The following CECR2 variants were observed in gnomAD, a reference collection of about 807,000 sequenced individuals.
CECR2 encodes chromatin remodeling regulator CECR2.
CECR2 carries 30 observed loss-of-function variants against 154.5 expected under a neutral mutation model. The observed-to-expected ratio is 0.19, with a 90% CI of 0.15 to 0.26. CECR2 has a LOEUF of 0.26. CECR2 is among the 10% of genes least tolerant of loss of function. The probability of loss-of-function intolerance (pLI) is 1.00; values close to 1 mark genes in which losing one functional copy is unlikely to be tolerated. For synonymous variants in CECR2, 725 were observed against 683.7 expected (o/e 1.06, Z -0.94); for missense variants, 1,743 against 1,829.3 (o/e 0.95, Z 0.86).
At chr22:17,465,142 G>A (rs879375540) in intron 1 of CECR2, among the ~76,000 whole-genome samples, 123 of 149,270 alleles carry the variant, frequency 8.2e-4, no homozygotes, top group Admixed American at 1.0e-3. Context: ...GACTACAGGC[G>A]CCCACCACCA....
intron 1 of CECR2, among the ~76,000 whole-genome samples, chr22:17,381,369 C>CT (rs11393111): frequency 0.069 from 10,496 of 151,322 alleles, 1,135 homozygotes; most frequent in African/African-American, 0.23. Flanking sequence ...TAACTCTAGA[C>CT]TTTTTTTTTA....
In CECR2 at chr22:17,549,354, G is replaced by A. The variant is rs2056669585; in HGVS notation, c.4067G>A (p.Ser1356Asn). Reference sequence around the variant, plus strand: ...CCCTATACCCCTCAGCGGCCGGCCAGTCACTTTCAGCCCAGGGCTTACTCT... The same window carrying A: ...CCCTATACCCCTCAGCGGCCGGCCAATCACTTTCAGCCCAGGGCTTACTCT... ...GPPYTPQRPA[S>N]HFQPRAYSSP... is the part of the protein sequence containing the mutation. The change falls in exon 17 of 19, where the codon AGT (serine) becomes AAT (asparagine). Residue 1356 changes from serine to asparagine, a missense_variant. This residue lies in a region of CECR2 where 1,250 missense variants were observed against 1,192.1 expected (regional missense o/e 1.05). Transcript: ENST00000262608. 2 of 1,613,824 alleles carry A rather than the reference G, an allele frequency of 1.2e-6. No homozygotes were observed. Among genetic ancestry groups the A allele is most frequent in the Admixed American group, 1.7e-5 (1 of 59,984 alleles).
chr22:17,539,072 T>C lies in CECR2; in HGVS notation c.1448T>C (p.Met483Thr). 1.2e-6 allele frequency: 2 copies of C among 1,613,904 alleles called. No individual in the cohort carries two copies. The highest frequency in any genetic ancestry group is 1.7e-6 in the Non-Finnish European group (2 of 1,179,866). Residue 483 changes from methionine to threonine, a missense_variant, in exon 13 of 19, where the codon ATG becomes ACG. By Grantham distance (81) the Met-to-Thr change is moderately conservative (BLOSUM62 -1). This residue lies in a region of CECR2 where 103 missense variants were observed against 166.8 expected (regional missense o/e 0.62). Coordinates refer to ENST00000262608, the MANE Select transcript of CECR2 (RefSeq NM_001290047.2). ...YCTKEEFVNDMKTMFRNCRKY... is the reference protein window; with the variant it reads ...YCTKEEFVNDTKTMFRNCRKY... ...ACCAAGGAGGAATTTGTAAATGACA[T>C]GAAGACCATGTTCAGGAATTGTCGA...
rs531593575 is a variant in CECR2, at chr22:17,510,158, A to C, written c.871-1655A>C. On this transcript the variant is annotated intron_variant, in intron 7 of 18. Transcript: ENST00000262608. ...TAGGGAAACATTCACGTTCTGTATC[A>C]AGAATAGCATTTTTCTCATTCGTAG... Among the ~76,000 whole-genome samples the C allele has an allele frequency of 2.0e-5, 3 of 152,332 alleles. No homozygotes were observed. The South Asian group carries it at 6.2e-4, about 32-fold the overall frequency.
intron 1 of CECR2, among the ~76,000 whole-genome samples, chr22:17,454,498 G>A (rs1369056854): frequency 2.0e-5 from 3 of 151,730 alleles, no homozygotes; most frequent in South Asian, 2.1e-4. Flanking sequence ...CCAGCTACTC[G>A]GAAAGCTGAG....
chr22:17,394,192 CGCT>C (rs1337601749), intron 1 of CECR2, among the ~76,000 whole-genome samples: 1 of 125,642 alleles, frequency 8.0e-6, no homozygotes, highest in Non-Finnish European at 1.7e-5. Flanking sequence ...CAGCTGCTGC[CGCT>C]GCTTTTTTTT....
At chr22:17,520,652 C>T (rs1452503056) in intron 8 of CECR2, among the ~76,000 whole-genome samples, 1 of 152,038 alleles carries the variant, frequency 6.6e-6, no homozygotes, top group Non-Finnish European at 1.5e-5. Context: ...TCAGTTCCCA[C>T]CTATGAGTGA....
intron 1 of CECR2, among the ~76,000 whole-genome samples, chr22:17,416,584 G>GGC (rs1323784043): frequency 3.9e-5 from 6 of 152,246 alleles, no homozygotes; most frequent in African/African-American, 1.2e-4. Flanking sequence ...GGAGTACAGT[G>GGC]GCACTGTCTT....
In CECR2 at chr22:17,403,352, T is replaced by C. The variant is rs570392934; in HGVS notation, c.126+33443T>C. 2.0e-5 allele frequency among the ~76,000 whole-genome samples: 3 copies of C among 152,348 alleles called. No individual in the cohort carries two copies. In the East Asian group the frequency reaches 5.8e-4, roughly 29 times the overall value. On this transcript the variant is annotated intron_variant, in intron 1 of 18. Transcript: ENST00000262608. ...GTATTGTTTTTGCTTTTGGATTGTT[T>C]TTGTTTGGGGCTATTATAGATAATA...
At chr22:17,422,806 C>CAGTG (rs113676897) in intron 1 of CECR2, among the ~76,000 whole-genome samples, 1,953 of 151,992 alleles carry the variant, frequency 0.013, 37 homozygotes, top group African/African-American at 0.043. Flanking sequence ...ATGAGCCCAT[C>CAGTG]AGTGGCATTC....
intron 1 of CECR2, among the ~76,000 whole-genome samples, chr22:17,450,962 G>A (rs1050321994): frequency 1.6e-4 from 24 of 152,108 alleles, no homozygotes; most frequent in Admixed American, 7.2e-4. Context: ...TCTGCTTTTC[G>A]TTGCACCTTC....
intron 8 of CECR2, among the ~76,000 whole-genome samples, chr22:17,518,137 C>G (rs5992061): frequency 0.15 from 23,509 of 152,004 alleles, 2,248 homozygotes; most frequent in East Asian, 0.47. Flanking sequence ...CTTCTACTTC[C>G]TTTCTACCAG....
At chr22:17,487,481 C>G (rs1288505851) in intron 2 of CECR2, among the ~76,000 whole-genome samples, 1 of 152,134 alleles carries the variant, frequency 6.6e-6, no homozygotes, top group Non-Finnish European at 1.5e-5. Flanking sequence ...GGGTGGATCA[C>G]TAGGTCAGGA....
intron 1 of CECR2, among the ~76,000 whole-genome samples, chr22:17,476,368 G>A (rs993499493): frequency 1.3e-5 from 2 of 151,976 alleles, no homozygotes; most frequent in South Asian, 2.1e-4. Flanking sequence ...GGTTTCAAGC[G>A]ATTCTTGTGT....
At chr22:17,418,479 C>A (rs2054187939) in intron 1 of CECR2, among the ~76,000 whole-genome samples, 1 of 152,066 alleles carries the variant, frequency 6.6e-6, no homozygotes, top group Non-Finnish European at 1.5e-5. Context: ...TTGTCAGAAA[C>A]CAACTCCCTT....
chr22:17,480,630 A>C (rs1450492642), intron 2 of CECR2, among the ~76,000 whole-genome samples: 2 of 152,074 alleles, frequency 1.3e-5, no homozygotes. Flanking sequence ...GTGAATGTAC[A>C]CTCGTTCTTG....
intron 5 of CECR2, among the ~76,000 whole-genome samples, chr22:17,501,165 C>T (rs564039771): frequency 1.3e-5 from 2 of 152,130 alleles, no homozygotes; most frequent in Non-Finnish European, 2.9e-5. Flanking sequence ...ACTTAAGGAT[C>T]AGCTCTATCA....
chr22:17,367,961 A>T (rs532547550), upstream of CECR2, among the ~76,000 whole-genome samples: 1 of 152,324 alleles, frequency 6.6e-6, no homozygotes, highest in African/African-American at 2.4e-5. Context: ...TGCACTTTAA[A>T]TCATCAAATA....
intron 9 of CECR2, chr22:17,534,685 TTTTTTTTTTC>T (rs1212966463): frequency 3.4e-5 from 3 of 88,656 alleles, no homozygotes; most frequent in Non-Finnish European, 7.5e-5. Context: ...TTTTTTTTTC[TTTTTTTTTTC>T]TTTTTTTTTG....
Sources: allele counts gnomAD v4.1 joint callset (sites outside exome capture counted in the v4.1 genomes callset), GRCh38; gene constraint gnomAD v4.1.1; regional missense constraint gnomAD v4.1.1; transcripts MANE v1.5; gene names NCBI Gene and HGNC (gene_info 2026-07-23, HGNC 2026-07-21).